The following SNTG1 variants were observed in gnomAD, a reference collection of about 807,000 sequenced individuals.
The protein encoded by SNTG1 is gamma-1-syntrophin.
Under a neutral mutation model 74.7 loss-of-function variants are expected in SNTG1, and 39 were observed. The observed-to-expected ratio is 0.52, with a 90% confidence interval of 0.40 to 0.68. SNTG1 has a LOEUF of 0.68. Ranked by LOEUF, SNTG1 falls within the 30% of genes least tolerant of loss-of-function variation. The pLI is 0.00. For synonymous variants in SNTG1, 254 were observed against 217.1 expected (o/e 1.17, Z -1.49); for missense variants, 685 against 609.5 (o/e 1.12, Z -1.30).
chr8:50,773,884 G>A (rs538546353), intron 18 of SNTG1, among the ~76,000 whole-genome samples: 2 of 152,200 alleles, frequency 1.3e-5, no homozygotes, highest in South Asian at 2.1e-4. Context: ...TGACCAAATA[G>A]AGAATGTTAA....
intron 13 of SNTG1, among the ~76,000 whole-genome samples, chr8:50,619,227 G>A (rs558616415): frequency 6.6e-6 from 1 of 152,044 alleles, no homozygotes; most frequent in Non-Finnish European, 1.5e-5. Flanking sequence ...TTCACTCTAG[G>A]AATAGATTTT....
Position 50,176,120 on chromosome 8 carries a change from GT to G in SNTG1, c.-28+3494del, listed in dbSNP as rs1021423994. ...AAAACACTTAACATTTTAATACATA[GT>G]TTTTTTTTGCTATTGTTGCTTTTGT... On this transcript the variant is annotated intron_variant, in intron 2 of 18. Transcript: ENST00000642720. Among the ~76,000 whole-genome samples the G allele has an allele frequency of 1.3e-3, 194 of 151,602 alleles. 1 individual carries two copies. The highest frequency in any genetic ancestry group is 4.4e-3 in the African/African-American group (183 of 41,346).
rs74420746 is a variant in SNTG1 at position 50,710,801 on chromosome 8, C to G, written c.1284+1823C>G. Among the ~76,000 whole-genome samples, 74 of 152,134 alleles carry G rather than the reference C, an allele frequency of 4.9e-4. No individual in the cohort carries two copies. In the East Asian group the frequency reaches 8.1e-3, roughly 17 times the overall value. On this transcript the variant is annotated intron_variant, in intron 17 of 18. Transcript: ENST00000642720. ...TCTAAGTGAATGATTATGATGCCATCCAGAGAAAACAGTTTAGTAGGAAAT... is the reference window on the plus strand; with the variant it reads ...TCTAAGTGAATGATTATGATGCCATGCAGAGAAAACAGTTTAGTAGGAAAT...
intron 2 of SNTG1, among the ~76,000 whole-genome samples, chr8:50,311,561 T>C (rs2090115242): frequency 6.6e-6 from 1 of 152,196 alleles, no homozygotes; most frequent in East Asian, 1.9e-4. Context: ...AAAATATGTA[T>C]TTTTGATATG....
intron 10 of SNTG1, among the ~76,000 whole-genome samples, chr8:50,534,486 A>T (rs1230674134): frequency 6.6e-6 from 1 of 152,126 alleles, no homozygotes; most frequent in East Asian, 1.9e-4. Context: ...AGTAATAATA[A>T]AATACTTCTT....
chr8:50,773,144 C>G (rs2095631593), intron 18 of SNTG1, among the ~76,000 whole-genome samples: 1 of 152,128 alleles, frequency 6.6e-6, no homozygotes, highest in Non-Finnish European at 1.5e-5. Flanking sequence ...AGACCTTTCT[C>G]ATTGGAAAAA....
At chr8:50,633,646 C>A (rs1744453182) in intron 13 of SNTG1, among the ~76,000 whole-genome samples, 1 of 152,210 alleles carries the variant, frequency 6.6e-6, no homozygotes, top group African/African-American at 2.4e-5. Flanking sequence ...GGGCTGTGCA[C>A]TAAAGTCTCT....
At chr8:50,625,835 T>A (rs927244626) in intron 13 of SNTG1, among the ~76,000 whole-genome samples, 1 of 152,158 alleles carries the variant, frequency 6.6e-6, no homozygotes, top group African/African-American at 2.4e-5. Flanking sequence ...ATGACAAGAG[T>A]TTTCTGATAT....
intron 1 of SNTG1, among the ~76,000 whole-genome samples, chr8:50,162,446 C>T (rs922824706): frequency 8.6e-5 from 13 of 151,122 alleles, no homozygotes; most frequent in African/African-American, 2.9e-4. Flanking sequence ...CCTGTAGTCC[C>T]GGCTACTTGG....
At chr8:50,126,979 G>A (rs1586387294) in intron 1 of SNTG1, among the ~76,000 whole-genome samples, 1 of 152,078 alleles carries the variant, frequency 6.6e-6, no homozygotes, top group Admixed American at 6.6e-5. Flanking sequence ...AGTTATATCT[G>A]GGGTCATGGA....
At chr8:50,456,318 G>T (rs949298467) in intron 8 of SNTG1, among the ~76,000 whole-genome samples, 3 of 152,006 alleles carry the variant, frequency 2.0e-5, no homozygotes, top group African/African-American at 7.2e-5. Flanking sequence ...ATTTTGCAAA[G>T]CTCCATCTAG....
intron 9 of SNTG1, among the ~76,000 whole-genome samples, chr8:50,505,430 G>C (rs2093997895): frequency 6.6e-6 from 1 of 152,030 alleles, no homozygotes; most frequent in African/African-American, 2.4e-5. Context: ...CATAGTAGCT[G>C]CATCATTTTA....
At position 50,251,507 on chromosome 8, in the gene SNTG1, A is replaced by T. The variant is rs2086645471; in HGVS notation, c.-28+78872A>T. 2.6e-5 allele frequency among the ~76,000 whole-genome samples: 4 copies of T among 152,056 alleles called. No individual in the cohort carries two copies. The South Asian group carries it at 8.3e-4, about 32-fold the overall frequency. On this transcript the variant is annotated intron_variant, in intron 2 of 18. Transcript: ENST00000642720. ...ATGCACTTCACTGTTAAACACAGAC[A>T]GACTGAAAGTAAAAGGATGGAAAAA... is the stretch of plus-strand genomic sequence containing the variant.
At chr8:50,438,423 T>A in intron 4 of SNTG1, 120 bp from the exon 5 acceptor site, 1 of 717,602 alleles carries the variant, frequency 1.4e-6, no homozygotes, top group Non-Finnish European at 2.4e-6. Flanking sequence ...CACAGAAGAG[T>A]TCTCTTTTGT....
intron 4 of SNTG1, among the ~76,000 whole-genome samples, chr8:50,405,425 C>CTTA (rs1046420100): frequency 6.6e-6 from 1 of 152,014 alleles, no homozygotes; most frequent in Non-Finnish European, 1.5e-5. Flanking sequence ...ATTTTATGTG[C>CTTA]TTATTGTCTA....
chr8:50,624,331 AT>A (rs2094943008), intron 13 of SNTG1, among the ~76,000 whole-genome samples: 2 of 135,142 alleles, frequency 1.5e-5, no homozygotes, highest in Non-Finnish European at 3.0e-5. Flanking sequence ...AAAAAAAAAA[AT>A]TATATTTTTT....
At chr8:50,244,807 CA>C (rs1213603323) in intron 2 of SNTG1, among the ~76,000 whole-genome samples, 1 of 152,072 alleles carries the variant, frequency 6.6e-6, no homozygotes, top group African/African-American at 2.4e-5. Flanking sequence ...CTTGCAGTCT[CA>C]AATATGCTTG....
chr8:50,084,451 T>A (rs929860676), intron 1 of SNTG1, among the ~76,000 whole-genome samples: 5 of 151,932 alleles, frequency 3.3e-5, no homozygotes, highest in African/African-American at 1.2e-4. Flanking sequence ...AGAGTGAGAC[T>A]CCATCTCAAA....
intron 18 of SNTG1, among the ~76,000 whole-genome samples, chr8:50,756,738 G>T (rs2095581549): frequency 6.6e-6 from 1 of 151,610 alleles, no homozygotes; most frequent in Non-Finnish European, 1.5e-5. Context: ...TCAATAGTGT[G>T]ATGGCTATTC....
Sources: allele counts gnomAD v4.1 joint callset (sites outside exome capture counted in the v4.1 genomes callset), GRCh38; gene constraint gnomAD v4.1.1; transcripts MANE v1.5; gene names NCBI Gene and HGNC (gene_info 2026-07-23, HGNC 2026-07-21).